The following CTR9 variants were observed in gnomAD, a reference collection of about 807,000 sequenced individuals.
CTR9 encodes CTR9 component of Paf1/RNA polymerase II complex.
In CTR9, 41 loss-of-function variants were observed where a neutral mutation model predicts 152.1. The ratio of observed to expected loss-of-function variants is 0.27; its 90% CI spans 0.21 to 0.35. The LOEUF is 0.35. Ranked by LOEUF, CTR9 falls within the 10% of genes least tolerant of loss-of-function variation. The pLI is 1.00. For synonymous variants in CTR9, 476 were observed against 496.2 expected, an observed-to-expected ratio of 0.96 and a Z score of 0.54; for missense variants, 917 against 1,424.4, an observed-to-expected ratio of 0.64 and a Z score of 5.73.
chr11:10,759,235 A>T (rs1280871719), intron 5 of CTR9, among the ~76,000 whole-genome samples: 1 of 152,264 alleles, frequency 6.6e-6, no homozygotes, highest in Non-Finnish European at 1.5e-5. Context: ...AGAAGATAAT[A>T]GCCAGAGGTA....
In CTR9 at chr11:10,778,703, C is replaced by T. The variant is rs559391605; in HGVS notation, c.3120C>T (p.Asn1040=). The change falls in exon 25 of 25, where the codon AAC becomes AAT. Residue 1040 remains asparagine (N), a synonymous_variant. Transcript: ENST00000361367. ...GACATCCCAGGAACAGCAACAGCAA[C>T]AGTGACTCAGACGAGGACGAACAAC... The part of the protein sequence containing the change: ...DEGHPRNSNS[N]SDSDEDEQRK... 6.4e-5 allele frequency: 103 copies of T among 1,612,808 alleles called. No individual in the cohort carries two copies. In the South Asian group the frequency reaches 1.1e-3, roughly 17 times the overall value.
Position 10,772,641 on chromosome 11 carries a change from C to T in CTR9, c.2566C>T (p.Leu856Phe), listed in dbSNP as rs1334990890. The stretch of plus-strand genomic sequence containing the variant: ...AGAAAAGGAGCTGTTAAGGCAGAAA[C>T]TTCTTAAAGAACAGGTATCTTGTAT... ...EQEKELLRQK[L>F]LKEQEEKRLR... Residue 856 changes from leucine to phenylalanine, a missense_variant, in exon 20 of 25, where the codon CTT (leucine) becomes TTT (phenylalanine). By Grantham distance (22) the Leu-to-Phe change is conservative. Transcript: ENST00000361367. 1.7e-5 allele frequency: 28 copies of T among 1,602,016 alleles called. No individual in the cohort carries two copies. Among genetic ancestry groups the T allele is most frequent in the Non-Finnish European group, 2.4e-5 (28 of 1,175,800 alleles).
chr11:10,755,724 A>G lies in CTR9; in HGVS notation c.431A>G (p.Lys144Arg), dbSNP rs1344021040. Residue 144 changes from lysine (K) to arginine (R), a missense_variant, in exon 4 of 25, where the codon AAA (lysine) becomes AGA (arginine). Physicochemically the swap from Lys to Arg is conservative, Grantham distance 26 (BLOSUM62 2). Transcript: ENST00000361367. The stretch of plus-strand genomic sequence containing the variant: ...TGCTTCTGCCTACTTGAGGGTGACA[A>G]AATGGATCAAGCTGATGCACAGTTT... The part of the protein sequence containing the change: ...RACFCLLEGD[K>R]MDQADAQFHF... The G allele has an allele frequency of 3.7e-6, 6 of 1,613,720 alleles. No homozygotes were observed. Among genetic ancestry groups the G allele is most frequent in the East Asian group, 2.2e-5 (1 of 44,852 alleles).
At chr11:10,765,726 T>C (rs1863049267) in intron 12 of CTR9, among the ~76,000 whole-genome samples, 1 of 152,188 alleles carries the variant, frequency 6.6e-6, no homozygotes, top group Non-Finnish European at 1.5e-5. Context: ...CCTCCCAAAG[T>C]GCTGGGATTA....
intron 17 of CTR9, 68 bp downstream of exon 17, chr11:10,770,394 C>G: frequency 1.3e-6 from 2 of 1,565,928 alleles, no homozygotes; most frequent in Non-Finnish European, 1.8e-6. Flanking sequence ...CTTCGTGATG[C>G]GTGTTCACAT....
In CTR9 at chr11:10,774,178, A is replaced by G. The variant is rs371748881; in HGVS notation, c.2885+9A>G. On this transcript the variant is annotated intron_variant, in intron 22 of 24. Coordinates refer to ENST00000361367, the MANE Select transcript of CTR9 (RefSeq NM_014633.5). The stretch of plus-strand genomic sequence containing the variant: ...AAGAAAAAGAGGAGAAGGTAATGTC[A>G]TCATTAATGTGCTTTAAGTAACCTC... 5.0e-5 allele frequency: 80 copies of G among 1,603,702 alleles called. No homozygotes were observed. In the African/African-American group the frequency reaches 7.9e-4, roughly 16 times the overall value.
At chr11:10,772,152 T>C (rs1476604186) in intron 19 of CTR9, among the ~76,000 whole-genome samples, 1 of 151,948 alleles carries the variant, frequency 6.6e-6, no homozygotes, top group African/African-American at 2.4e-5. Context: ...GGTCAGGAGT[T>C]CAAGAGCAGC....
chr11:10,757,596 G>A (rs1364018655), intron 5 of CTR9, among the ~76,000 whole-genome samples: 1 of 152,188 alleles, frequency 6.6e-6, no homozygotes, highest in African/African-American at 2.4e-5. Context: ...AAAAAGTCTG[G>A]ATAGTAGATT....
rs201714232 is a variant in CTR9, at chr11:10,755,802, G to A, written c.502+7G>A. 7 of 1,548,570 alleles carry A rather than the reference G, an allele frequency of 4.5e-6. No homozygotes were observed. Among genetic ancestry groups the A allele is most frequent in the Non-Finnish European group, 6.2e-6 (7 of 1,123,814 alleles). The stretch of plus-strand genomic sequence containing the variant: ...AATATTCCAGCCCTTCTTGGTAAGT[G>A]GTCTTTGGCAACATGTTAGGAAACA... On this transcript the variant is annotated splice_region_variant and intron_variant, in intron 4 of 24. Coordinates refer to ENST00000361367, the MANE Select transcript of CTR9 (RefSeq NM_014633.5).
At chr11:10,759,640 A>G (rs1862944844) in intron 5 of CTR9, among the ~76,000 whole-genome samples, 1 of 152,220 alleles carries the variant, frequency 6.6e-6, no homozygotes, top group Non-Finnish European at 1.5e-5. Context: ...CAGTAGAGAG[A>G]AAAAATAGGG....
intron 24 of CTR9, among the ~76,000 whole-genome samples, chr11:10,776,973 A>G (rs1310881905): frequency 1.7e-4 from 14 of 82,480 alleles, no homozygotes; most frequent in African/African-American, 5.0e-4. Flanking sequence ...ACTCTTGTGA[A>G]AAAAAAAAAA....
chr11:10,771,571 G>A lies in CTR9; in HGVS notation c.2399G>A (p.Gly800Glu), dbSNP rs1185381021. ...TACTTCAGTTATTTGAGTAAAGTGG[G>A]AGATAAAATGAGATTTGATTTGGCC... Reference protein sequence around the residue: ...HRYFSYLSKVGDKMRFDLALA... With the variant: ...HRYFSYLSKVEDKMRFDLALA... Residue 800 changes from glycine to glutamate, a missense_variant, in exon 19 of 25, where the codon GGA (glycine) becomes GAA (glutamate). Transcript: ENST00000361367. The A allele has an allele frequency of 1.9e-6, 3 of 1,611,566 alleles. No homozygotes were observed. The highest frequency in any genetic ancestry group is 4.5e-5 in the East Asian group (2 of 44,858).
At chr11:10,753,298 A>G (rs985133068) in intron 2 of CTR9, among the ~76,000 whole-genome samples, 4 of 152,312 alleles carry the variant, frequency 2.6e-5, no homozygotes, top group East Asian at 3.9e-4. Context: ...AGAAAATCCA[A>G]TCAGAAACCC....
intron 24 of CTR9, 25 bp from the exon 25 acceptor site, chr11:10,778,654 T>C: frequency 6.3e-7 from 1 of 1,597,704 alleles, no homozygotes; most frequent in Non-Finnish European, 8.6e-7. Flanking sequence ...ATCCTCAGCT[T>C]CTAACCAATG....
chr11:10,772,393 A>G (rs1863157290), intron 19 of CTR9, 127 bp from the exon 20 acceptor site: 3 of 803,254 alleles, frequency 3.7e-6, no homozygotes, highest in Non-Finnish European at 5.2e-6. Flanking sequence ...TTTTTTAAAA[A>G]AAGACTTCAC....
Position 10,768,338 on chromosome 11 carries a change from T to A in CTR9, c.1961-5T>A. 1 of 1,608,830 alleles carries A rather than the reference T, an allele frequency of 6.2e-7. No homozygotes were observed. Among genetic ancestry groups the A allele is most frequent in the Non-Finnish European group, 8.5e-7 (1 of 1,178,610 alleles). On this transcript the variant is annotated splice_region_variant and splice_polypyrimidine_tract_variant and intron_variant, in intron 15 of 24. Coordinates refer to ENST00000361367, the MANE Select transcript of CTR9 (RefSeq NM_014633.5). ...TGTTAAGTGTGAACCTTTTTATATC[T>A]TTAGGAGCTGTTTTGGCCCACAAAG...
Position 10,764,588 on chromosome 11 carries a change from C to T in CTR9, c.1454C>T (p.Ala485Val), listed in dbSNP as rs1316882752. ...TCATTGGACCGTGCAAAAGCAGAAG[C>T]GGAACACGATGAGCATTACTATAAC... ...LASLDRAKAEAEHDEHYYNAI... is the reference protein window; with the variant it reads ...LASLDRAKAEVEHDEHYYNAI... Residue 485 changes from alanine to valine, a missense_variant, in exon 12 of 25, where the codon GCG becomes GTG. By Grantham distance (64) the Ala-to-Val change is moderately conservative. Coordinates refer to ENST00000361367, the MANE Select transcript of CTR9 (RefSeq NM_014633.5). 3.1e-6 allele frequency: 5 copies of T among 1,611,940 alleles called. No individual in the cohort carries two copies. The highest frequency in any genetic ancestry group is 2.2e-5 in the East Asian group (1 of 44,822).
chr11:10,770,451 A>G, intron 17 of CTR9, 36 bp from the exon 18 acceptor site: 1 of 1,602,070 alleles, frequency 6.2e-7, no homozygotes, highest in Non-Finnish European at 8.5e-7. Context: ...TTTTCATGTC[A>G]TTTGAACATA....
chr11:10,754,064 A>T (rs1862846466), intron 2 of CTR9, among the ~76,000 whole-genome samples: 1 of 152,184 alleles, frequency 6.6e-6, no homozygotes. Context: ...ATAGAGACAG[A>T]GTCTCTCTAT....
Sources: gnomAD v4.1 joint callset for allele counts (sites outside exome capture counted in the v4.1 genomes callset) on GRCh38, gnomAD v4.1.1 for gene constraint, MANE v1.5 for transcripts, NCBI Gene and HGNC (gene_info 2026-07-23, HGNC 2026-07-21) for gene names.